GOLGA8A: variants seen among roughly 807,000 people sequenced by gnomAD.
The protein encoded by GOLGA8A is golgin subfamily A member 8A.
In GOLGA8A, 3 loss-of-function variants were observed where a neutral mutation model predicts 22.1. The ratio of observed to expected loss-of-function variants is 0.14; its 90% CI spans 0.06 to 0.35. The LOEUF (loss-of-function observed/expected upper bound fraction) is 0.35, where lower values mean the gene tolerates loss of function less well. Ranked by LOEUF, GOLGA8A falls within the 10% of genes least tolerant of loss-of-function variation. The probability of loss-of-function intolerance (pLI) is 1.00; values close to 1 mark genes in which losing one functional copy is unlikely to be tolerated. For missense variants in GOLGA8A, 16 were observed against 233.2 expected, an observed-to-expected ratio of 0.07 and a Z score of 6.07; for synonymous variants, 7 against 91.7, an observed-to-expected ratio of 0.08 and a Z score of 5.28.
Position 34,435,812 on chromosome 15 carries a change from G to A in GOLGA8A, c.-1211-341C>T, listed in dbSNP as rs375155293. 1.2e-4 allele frequency among the ~76,000 whole-genome samples: 18 copies of A among 149,172 alleles called. No homozygotes were observed. The East Asian group carries it at 2.0e-3, about 16-fold the overall frequency. On this transcript the variant is annotated intron_variant, in intron 1 of 24. Transcript: ENST00000359187. ...GCCCAGAGAGGGAGCCCACTCCAAG[G>A]GCCCCCCTGCCAGTACTGCTAGAGC...
chr15:34,426,172 C>G (rs1472123340), intron 2 of GOLGA8A, among the ~76,000 whole-genome samples: 1 of 149,306 alleles, frequency 6.7e-6, no homozygotes, highest in African/African-American at 2.5e-5. Context: ...TGTCAGCATT[C>G]TCCGTGAGTG....
chr15:34,426,742 T>C (rs1893000913), intron 2 of GOLGA8A, among the ~76,000 whole-genome samples: 1 of 143,836 alleles, frequency 7.0e-6, no homozygotes. Context: ...AGGCAAAATT[T>C]TTTTAAAACA....
rs935763764 is a variant in GOLGA8A, at chr15:34,436,626, A to G, written c.-1212+772T>C. Among the ~76,000 whole-genome samples the G allele has an allele frequency of 2.8e-4, 42 of 149,796 alleles. 1 individual carries two copies. Among genetic ancestry groups the G allele is most frequent in the African/African-American group, 1.0e-3 (41 of 40,648 alleles). ...GCACCCTCCCTCCGCGTCGGCCCGGAGAAAAGGAAGTTCGCCCCTAGCCTG... is the reference window on the plus strand; with the variant it reads ...GCACCCTCCCTCCGCGTCGGCCCGGGGAAAAGGAAGTTCGCCCCTAGCCTG... On this transcript the variant is annotated intron_variant, in intron 1 of 24. Coordinates refer to ENST00000359187, the MANE Select transcript of GOLGA8A (RefSeq NM_181077.5).
At chr15:34,408,380 CCACAT>C (rs1240162796) in intron 2 of GOLGA8A, among the ~76,000 whole-genome samples, 2 of 36,032 alleles carry the variant, frequency 5.6e-5, no homozygotes, top group African/African-American at 1.0e-4. Context: ...TCACACCACA[CCACAT>C]ACCACACACC....
At chr15:34,431,649 G>A (rs1322924061) in intron 2 of GOLGA8A, among the ~76,000 whole-genome samples, 2 of 148,046 alleles carry the variant, frequency 1.4e-5, no homozygotes, top group Admixed American at 1.4e-4. Flanking sequence ...GATAAAACAT[G>A]GTGCCCCTGT....
At chr15:34,421,141 C>A (rs1374328520) in intron 2 of GOLGA8A, among the ~76,000 whole-genome samples, 1 of 142,420 alleles carries the variant, frequency 7.0e-6, no homozygotes, top group Non-Finnish European at 1.5e-5. Context: ...CCCCTTTGCC[C>A]CCACTTCCTT....
At chr15:34,412,809 G>A (rs576248196) in intron 2 of GOLGA8A, among the ~76,000 whole-genome samples, 2 of 144,750 alleles carry the variant, frequency 1.4e-5, no homozygotes, top group African/African-American at 2.5e-5. Context: ...CTGGCATAGC[G>A]AACACGGTAC....
At position 34,417,882 on chromosome 15, in the gene GOLGA8A, T is replaced by C. The variant is rs906648633; in HGVS notation, c.-1122-10147A>G. 13 of 143,864 alleles carry C rather than the reference T, an allele frequency of 9.0e-5. 1 individual carries two copies. Among genetic ancestry groups the C allele is most frequent in the African/African-American group, 3.1e-4 (12 of 39,134 alleles). The allele number at this position is 143,864 out of a possible 1,614,324, so 8.9% of individuals were successfully genotyped here. On this transcript the variant is annotated intron_variant, in intron 2 of 24. Transcript: ENST00000359187. ...TGGAGACATTTTCGGTTGTCACAAC[T>C]GGTCATGATGGGAGGTGCTATTGGC...
At chr15:34,417,343 T>TG (rs1330243350) in intron 2 of GOLGA8A, 5 of 70,838 alleles carry the variant, frequency 7.1e-5, no homozygotes, top group South Asian at 4.9e-4. Flanking sequence ...CCTTTTTTTT[T>TG]GTAATTGTGT....
In GOLGA8A at chr15:34,379,674, C is replaced by T. The variant is rs544252209; in HGVS notation, c.*1737G>A. 1.7e-4 allele frequency: 26 copies of T among 152,704 alleles called. No individual in the cohort carries two copies. Among genetic ancestry groups the T allele is most frequent in the African/African-American group, 6.3e-4 (26 of 41,556 alleles). The allele number at this position is 152,704 out of a possible 1,614,324, so 9.5% of individuals were successfully genotyped here. A position where few individuals can be genotyped will look rare whatever the true frequency, so the allele number is the denominator to read the frequency against. On this transcript the variant is annotated 3_prime_UTR_variant, in exon 25 of 25. Coordinates refer to ENST00000359187, the MANE Select transcript of GOLGA8A (RefSeq NM_181077.5). ...GCTAAAAATGGAGATGGTCTAGTAA[C>T]TAGAAAACTCCCCACCCCAGGGAGC...
rs4041405 is a variant in GOLGA8A, at chr15:34,433,819, T to C, written c.-1123+1564A>G. 2.6e-4 allele frequency among the ~76,000 whole-genome samples: 39 copies of C among 149,628 alleles called. 1 individual carries two copies. In the East Asian group the frequency reaches 4.9e-3, roughly 19 times the overall value. ...GAGACTGACAATAAACAAACAAGTA[T>C]ATAAATAACACACTGAATGTTGAGT... is the stretch of plus-strand genomic sequence containing the variant. On this transcript the variant is annotated intron_variant, in intron 2 of 24. Transcript: ENST00000359187.
At chr15:34,419,764 C>G (rs1211000369) in intron 2 of GOLGA8A, 1 of 105,752 alleles carries the variant, frequency 9.5e-6, no homozygotes, top group Non-Finnish European at 1.8e-5. Flanking sequence ...ACAATGGGGA[C>G]AGTAGTTAGC....
intron 5 of GOLGA8A, among the ~76,000 whole-genome samples, chr15:34,404,130 GA>G (rs1333459830): frequency 4.7e-5 from 1 of 21,474 alleles, no homozygotes; most frequent in Non-Finnish European, 1.0e-4. Context: ...TGAGCAAAGT[GA>G]AACCAAAAAA....
chr15:34,436,623 C>G (rs977058024), intron 1 of GOLGA8A, among the ~76,000 whole-genome samples: 2 of 150,062 alleles, frequency 1.3e-5, no homozygotes, highest in Non-Finnish European at 3.0e-5. Flanking sequence ...CGCGTCGGCC[C>G]GGAGAAAAGG....
intron 2 of GOLGA8A, among the ~76,000 whole-genome samples, chr15:34,425,524 G>A (rs1412783793): frequency 1.4e-5 from 2 of 144,736 alleles, no homozygotes; most frequent in African/African-American, 5.0e-5. Context: ...TATACATTAG[G>A]GTACAGAAAC....
chr15:34,418,112 T>G (rs1355410918), intron 2 of GOLGA8A: 1 of 97,368 alleles, frequency 1.0e-5, no homozygotes, highest in Non-Finnish European at 2.0e-5. Flanking sequence ...CAGTTAGTTG[T>G]AGTAACTGTA....
At chr15:34,436,968 T>C (rs1329823777) in intron 1 of GOLGA8A, among the ~76,000 whole-genome samples, 30 of 149,478 alleles carry the variant, frequency 2.0e-4, no homozygotes, top group South Asian at 4.3e-4. Flanking sequence ...AACTCAGTAG[T>C]TGCCGCCCGG....
Position 34,418,820 on chromosome 15 carries a change from G to A in GOLGA8A, c.-1122-11085C>T, listed in dbSNP as rs1335406624. 10 of 146,954 alleles carry A rather than the reference G, an allele frequency of 6.8e-5. 2 individuals are homozygous for A. Among genetic ancestry groups the A allele is most frequent in the Admixed American group, 2.1e-4 (3 of 14,260 alleles). The allele number at this position is 146,954 out of a possible 1,614,324, so 9.1% of individuals were successfully genotyped here. A position where few individuals can be genotyped will look rare whatever the true frequency, so the allele number is the denominator to read the frequency against. ...GGGTGGCAGGGGCTACGGAGAAGGC[G>A]GTTGAGTTTAGCCCCAGTTCCCAAC... On this transcript the variant is annotated intron_variant, in intron 2 of 24. Transcript: ENST00000359187.
chr15:34,423,815 C>T (rs1892874491), intron 2 of GOLGA8A, among the ~76,000 whole-genome samples: 1 of 149,484 alleles, frequency 6.7e-6, no homozygotes, highest in Admixed American at 6.7e-5. Context: ...GCTGGCCCCA[C>T]CACCTGCTTT....
Sources: allele counts gnomAD v4.1 joint callset (sites outside exome capture counted in the v4.1 genomes callset), GRCh38; gene constraint gnomAD v4.1.1; transcripts MANE v1.5; gene names NCBI Gene and HGNC (gene_info 2026-07-23, HGNC 2026-07-21).